Variants in PCDHA3 observed in about 807,000 individuals in gnomAD.
PCDHA3 encodes the protein protocadherin alpha 3, also known as protocadherin alpha-3.
PCDHA3 carries 41 observed loss-of-function variants against 62.2 expected under a neutral mutation model. That is an observed-to-expected ratio of 0.66 (90% confidence interval 0.51 to 0.86). The LOEUF (loss-of-function observed/expected upper bound fraction) is 0.86. Among genes scored for constraint, PCDHA3 ranks in the 40% least tolerant of loss-of-function variants. PCDHA3 has a pLI of 0.00. For synonymous variants in PCDHA3, 640 were observed against 555.4 expected (o/e 1.15, Z -2.14); for missense variants, 1,304 against 1,241.2 (o/e 1.05, Z -0.76).
intron 1 of PCDHA3, among the ~76,000 whole-genome samples, chr5:140,839,543 C>T (rs1455447545): frequency 1.3e-5 from 2 of 151,966 alleles, no homozygotes; most frequent in Non-Finnish European, 2.9e-5. Flanking sequence ...GCACACACCA[C>T]CATGCCCAAC....
intron 1 of PCDHA3, chr5:140,822,606 G>A (rs1554128745): frequency 1.2e-6 from 2 of 1,608,162 alleles, no homozygotes; most frequent in Non-Finnish European, 8.5e-7. Flanking sequence ...AGGAAATAGT[G>A]TATTTCTTTA....
chr5:140,808,895 G>A (rs781855860), intron 1 of PCDHA3: 1 of 1,613,372 alleles, frequency 6.2e-7, no homozygotes. Context: ...AGCGCCTCGG[G>A]CGGGTGGCAC....
At chr5:140,821,789 G>T (rs1199538378) in intron 1 of PCDHA3, 1 of 1,611,922 alleles carries the variant, frequency 6.2e-7, no homozygotes, top group Admixed American at 1.7e-5. Context: ...GTATATTCCC[G>T]GAGAGGAAGT....
chr5:140,962,050 A>AT (rs1207278188), intron 1 of PCDHA3, among the ~76,000 whole-genome samples: 3 of 151,684 alleles, frequency 2.0e-5, no homozygotes, highest in African/African-American at 7.3e-5. Context: ...TGCCTGGCTA[A>AT]TTTTTTTGTA....
intron 3 of PCDHA3, among the ~76,000 whole-genome samples, chr5:140,989,205 C>G (rs750885432): frequency 6.6e-6 from 1 of 152,192 alleles, no homozygotes; most frequent in Admixed American, 6.5e-5. Flanking sequence ...TTCTAGCTTT[C>G]TTTATACACC....
Position 140,967,363 on chromosome 5 carries a change from C to T in PCDHA3, c.2395-11586C>T, listed in dbSNP as rs539138806. On this transcript the variant is annotated intron_variant, in intron 1 of 3. Coordinates refer to ENST00000522353, the MANE Select transcript of PCDHA3 (RefSeq NM_018906.3). ...AGCACTTCGAGCTGGACCTTAAGCCCCTGCAGGAGAACAGTAAAGTGCTTG... is the reference window on the plus strand; with the variant it reads ...AGCACTTCGAGCTGGACCTTAAGCCTCTGCAGGAGAACAGTAAAGTGCTTG... The T allele has an allele frequency of 1.6e-5, 26 of 1,607,546 alleles. No homozygotes were observed. The South Asian group carries it at 2.9e-4, about 18-fold the overall frequency.
At chr5:140,822,072 G>A (rs950776506) in intron 1 of PCDHA3, 4 of 1,614,228 alleles carry the variant, frequency 2.5e-6, no homozygotes, top group African/African-American at 1.3e-5. Context: ...GGCGGAGGGC[G>A]GAGTGCAGCA....
intron 1 of PCDHA3, among the ~76,000 whole-genome samples, chr5:140,921,145 T>G (rs2080047732): frequency 4.1e-5 from 1 of 24,298 alleles, no homozygotes; most frequent in Admixed American, 5.4e-4. Flanking sequence ...TACACCCAGC[T>G]AATGCATTTT....
At position 140,842,761 on chromosome 5, in the gene PCDHA3, A is replaced by G. The variant is rs200442158; in HGVS notation, c.2394+39170A>G. ...GCCACATCTTCACGGTGTCTGCGCG[A>G]GACGCGGACGCGCAGGAGAACGCGC... On this transcript the variant is annotated intron_variant, in intron 1 of 3. Coordinates refer to ENST00000522353, the MANE Select transcript of PCDHA3 (RefSeq NM_018906.3). 1.6e-5 allele frequency: 26 copies of G among 1,594,610 alleles called. 2 individuals are homozygous for G. The highest frequency in any genetic ancestry group is 4.5e-5 in the East Asian group (2 of 44,836).
At chr5:140,821,199 A>T (rs2150108932) in intron 1 of PCDHA3, among the ~76,000 whole-genome samples, 2 of 152,314 alleles carry the variant, frequency 1.3e-5, no homozygotes, top group Middle Eastern at 6.8e-3. Flanking sequence ...AAAACTCAAA[A>T]GTTTTAATTA....
chr5:140,884,512 G>T (rs782026771), intron 1 of PCDHA3: 1 of 1,614,202 alleles, frequency 6.2e-7, no homozygotes, highest in South Asian at 1.1e-5. Flanking sequence ...CAGGGAGTTG[G>T]TCGTACTCGC....
chr5:140,985,533 G>T (rs2097156708), intron 3 of PCDHA3, among the ~76,000 whole-genome samples: 1 of 152,082 alleles, frequency 6.6e-6, no homozygotes, highest in Admixed American at 6.6e-5. Context: ...AAGCTTCACG[G>T]TGAAGATGCA....
intron 1 of PCDHA3, chr5:140,877,829 C>T (rs1554170159): frequency 1.9e-6 from 3 of 1,594,494 alleles, no homozygotes; most frequent in Non-Finnish European, 2.6e-6. Context: ...TGTTTAAATC[C>T]TCCCAGTGAA....
chr5:140,987,730 C>CAA (rs2097266231), intron 3 of PCDHA3, among the ~76,000 whole-genome samples: 1 of 152,066 alleles, frequency 6.6e-6, no homozygotes, highest in African/African-American at 2.4e-5. Flanking sequence ...CCTACAGCTT[C>CAA]AAAATTTAGA....
At chr5:140,839,918 C>T (rs1234582853) in intron 1 of PCDHA3, among the ~76,000 whole-genome samples, 1 of 151,872 alleles carries the variant, frequency 6.6e-6, no homozygotes, top group South Asian at 2.1e-4. Flanking sequence ...GAAGAAAAAC[C>T]TTGAACAAAG....
chr5:140,806,759 C>G (rs544027131), intron 1 of PCDHA3, among the ~76,000 whole-genome samples: 1 of 152,074 alleles, frequency 6.6e-6, no homozygotes, highest in Non-Finnish European at 1.5e-5. Context: ...ATAGTTAGGT[C>G]TCTGTAATAC....
intron 1 of PCDHA3, chr5:140,856,888 TA>T (rs782463832): frequency 1.3e-6 from 2 of 1,596,688 alleles, no homozygotes; most frequent in Non-Finnish European, 1.7e-6. Context: ...TGTATTCATT[TA>T]GCTCTTTGGT....
At chr5:140,829,046 C>G (rs1182116205) in intron 1 of PCDHA3, 1 of 1,612,782 alleles carries the variant, frequency 6.2e-7, no homozygotes, top group African/African-American at 1.3e-5. Context: ...ATACAAAATC[C>G]TCATTGACGC....
intron 1 of PCDHA3, chr5:140,850,243 G>A: frequency 6.3e-7 from 1 of 1,593,880 alleles, no homozygotes; most frequent in Non-Finnish European, 8.6e-7. Flanking sequence ...ATGGTGCTGC[G>A]GTCGGTGGGC....
Sources: allele counts gnomAD v4.1 joint callset (sites outside exome capture counted in the v4.1 genomes callset), GRCh38; gene constraint gnomAD v4.1.1; transcripts MANE v1.5; gene names NCBI Gene and HGNC (gene_info 2026-07-23, HGNC 2026-07-21).